The following DLEC1 variants were observed in gnomAD, a reference collection of about 807,000 sequenced individuals.
The protein encoded by DLEC1 is deleted in lung and esophageal cancer protein 1.
DLEC1 carries 146 observed loss-of-function variants against 198.1 expected under a neutral mutation model. The ratio of observed to expected loss-of-function variants is 0.74; its 90% confidence interval spans 0.64 to 0.85. The LOEUF is 0.85. DLEC1 is among the 40% of genes least tolerant of loss of function. The probability of loss-of-function intolerance (pLI) is 0.00; values close to 1 mark genes in which losing one functional copy is unlikely to be tolerated. For synonymous variants in DLEC1, 897 were observed against 866.8 expected, an observed-to-expected ratio of 1.03 and a Z score of -0.61; for missense variants, 2,233 against 2,220.0, an observed-to-expected ratio of 1.01 and a Z score of -0.12.
intron 19 of DLEC1, among the ~76,000 whole-genome samples, chr3:38,107,189 C>A (rs1002804817): frequency 6.6e-6 from 1 of 151,976 alleles, no homozygotes; most frequent in Non-Finnish European, 1.5e-5. Flanking sequence ...AAAAAAAATT[C>A]TCTCTTGTTT....
At chr3:38,053,226 G>A (rs1255032987) in intron 2 of DLEC1, among the ~76,000 whole-genome samples, 4 of 152,212 alleles carry the variant, frequency 2.6e-5, no homozygotes, top group Non-Finnish European at 4.4e-5. Context: ...TCTGGGAAGT[G>A]AGGAGCGTCT....
chr3:38,084,555 G>A (rs1698317312), intron 7 of DLEC1, among the ~76,000 whole-genome samples: 2 of 148,456 alleles, frequency 1.3e-5, no homozygotes, highest in Non-Finnish European at 3.0e-5. Context: ...AGTAGTGGTA[G>A]TAGTAGTGGT....
At chr3:38,110,680 G>A (rs1259305753) in intron 23 of DLEC1, among the ~76,000 whole-genome samples, 1 of 152,172 alleles carries the variant, frequency 6.6e-6, no homozygotes, top group Non-Finnish European at 1.5e-5. Flanking sequence ...GACATGTGGA[G>A]AGTGAGATGG....
chr3:38,081,133 C>G (rs1575162183), intron 6 of DLEC1, among the ~76,000 whole-genome samples: 2 of 139,630 alleles, frequency 1.4e-5, no homozygotes, highest in African/African-American at 5.5e-5. Context: ...GGGTTGGGGG[C>G]AAGGTCACAG....
Position 38,095,925 on chromosome 3 carries a change from AG to A in DLEC1, c.2152del (p.Glu718LysfsTer6). On this transcript the variant is annotated frameshift_variant, in exon 14 of 37. Transcript: ENST00000308059. LOFTEE classifies it high-confidence loss of function. ...CACAGTGTGCTCCAGATGGTGCTAG[AG>A]GAAGTCCCAGAGCCTGTAAGGTGAG... Reference protein sequence around the residue: ...DFHSVLQMVLEEVPEPVSSEA... With the variant: ...DFHSVLQMVLXEVPEPVSSEA... The A allele has an allele frequency of 6.2e-7, 1 of 1,613,802 alleles. No homozygotes were observed. The highest frequency in any genetic ancestry group is 8.5e-7 in the Non-Finnish European group (1 of 1,180,004).
intron 33 of DLEC1, among the ~76,000 whole-genome samples, chr3:38,119,264 A>G (rs916409075): frequency 3.3e-5 from 5 of 152,026 alleles, no homozygotes; most frequent in Admixed American, 2.0e-4. Flanking sequence ...GCCAAACTCA[A>G]TCTGTCCAAA....
Position 38,123,110 on chromosome 3 carries a change from C to T in DLEC1, c.*698C>T. 6.2e-7 allele frequency: 1 copy of T among 1,614,170 alleles called. No individual in the cohort carries two copies. The highest frequency in any genetic ancestry group is 8.5e-7 in the Non-Finnish European group (1 of 1,180,030). ...TTCCAGTCCCGATGCACATGGACAC[C>T]ACTCCGTATGCCCTGTGAAAACAAA... On this transcript the variant is annotated 3_prime_UTR_variant, in exon 37 of 37. Coordinates refer to ENST00000308059, the MANE Select transcript of DLEC1 (RefSeq NM_007335.4).
At chr3:38,074,249 AG>A (rs1271116589) in intron 6 of DLEC1, among the ~76,000 whole-genome samples, 2 of 152,238 alleles carry the variant, frequency 1.3e-5, no homozygotes, top group Non-Finnish European at 2.9e-5. Context: ...ATTGTAACTC[AG>A]AAATGCGTTG....
intron 33 of DLEC1, 118 bp downstream of exon 33, chr3:38,118,142 C>A: frequency 9.0e-7 from 1 of 1,112,130 alleles, no homozygotes; most frequent in Non-Finnish European, 1.3e-6. Flanking sequence ...ATGCCTGACC[C>A]TGCCATACCC....
At chr3:38,119,282 C>T (rs1161715322) in intron 33 of DLEC1, among the ~76,000 whole-genome samples, 1 of 152,128 alleles carries the variant, frequency 6.6e-6, no homozygotes, top group African/African-American at 2.4e-5. Flanking sequence ...AAAGTGAACT[C>T]CCCATCCCCT....
chr3:38,041,283 T>A (rs913539194), intron 1 of DLEC1, among the ~76,000 whole-genome samples: 2 of 152,092 alleles, frequency 1.3e-5, no homozygotes, highest in South Asian at 4.2e-4. Context: ...ATTACAGGCA[T>A]GAGCCACCAC....
chr3:38,102,876 G>A (rs887515038), intron 19 of DLEC1, among the ~76,000 whole-genome samples: 1 of 152,220 alleles, frequency 6.6e-6, no homozygotes, highest in Non-Finnish European at 1.5e-5. Context: ...ACAGTTGAGA[G>A]GTCCAGTGTT....
chr3:38,121,721 G>C lies in DLEC1; in HGVS notation c.4960G>C (p.Val1654Leu), dbSNP rs1180641516. ...GACCTGCTTTGTGAGCCAGCAGCGA[G>C]TCCGGGAGGTCTACCTGATGAACCT... Reference protein sequence around the residue: ...FGTCFVSQQRVREVYLMNLSG... With the variant: ...FGTCFVSQQRLREVYLMNLSG... Residue 1654 changes from valine to leucine, a missense_variant, in exon 35 of 37, where the codon GTC becomes CTC. Transcript: ENST00000308059. 2 of 1,613,978 alleles carry C rather than the reference G, an allele frequency of 1.2e-6. No individual in the cohort carries two copies. Among genetic ancestry groups the C allele is most frequent in the African/African-American group, 1.3e-5 (1 of 74,912 alleles).
At chr3:38,077,363 C>G (rs1279809737) in intron 6 of DLEC1, among the ~76,000 whole-genome samples, 10 of 152,078 alleles carry the variant, frequency 6.6e-5, no homozygotes, top group African/African-American at 2.2e-4. Flanking sequence ...AGACTGGGAC[C>G]TAATAAAAAG....
rs776189181 is a variant in DLEC1 at position 38,122,445 on chromosome 3, G to A, written c.*33G>A. On this transcript the variant is annotated 3_prime_UTR_variant, in exon 37 of 37. Coordinates refer to ENST00000308059, the MANE Select transcript of DLEC1 (RefSeq NM_007335.4). ...CCCCAGCCCTCAGCCCCAGGCCCCA[G>A]CTGGAGAAAAAACATTGCCCAGGGA... 2.5e-6 allele frequency: 4 copies of A among 1,614,098 alleles called. No individual in the cohort carries two copies. Among genetic ancestry groups the A allele is most frequent in the Non-Finnish European group, 2.5e-6 (3 of 1,180,024 alleles).
In DLEC1 at chr3:38,122,780, T is replaced by C. The variant is rs1473883146; in HGVS notation, c.*368T>C. The C allele has an allele frequency of 1.6e-5, 19 of 1,156,256 alleles. No homozygotes were observed. The highest frequency in any genetic ancestry group is 2.2e-5 in the Non-Finnish European group (19 of 852,996). The allele number at this position is 1,156,256 out of a possible 1,614,324, so 71.6% of individuals were successfully genotyped here. On this transcript the variant is annotated 3_prime_UTR_variant, in exon 37 of 37. Coordinates refer to ENST00000308059, the MANE Select transcript of DLEC1 (RefSeq NM_007335.4). ...CCATGGATTTGCCTTGCCTTAAGAA[T>C]TAACCATGGCCTTGTGGCCTGGGTG... is the stretch of plus-strand genomic sequence containing the variant.
intron 2 of DLEC1, among the ~76,000 whole-genome samples, chr3:38,047,315 C>A (rs556491653): frequency 6.6e-6 from 1 of 152,254 alleles, no homozygotes; most frequent in African/African-American, 2.4e-5. Flanking sequence ...GGTATATCCA[C>A]ACTATGGAAT....
chr3:38,114,922 T>C, intron 26 of DLEC1, 61 bp from the exon 27 acceptor site: 1 of 1,507,784 alleles, frequency 6.6e-7, no homozygotes, highest in South Asian at 1.2e-5. Flanking sequence ...CCAGCCCTCC[T>C]CCCTACCTGC....
At chr3:38,096,257 C>T (rs1328045281) in intron 14 of DLEC1, among the ~76,000 whole-genome samples, 2 of 152,134 alleles carry the variant, frequency 1.3e-5, no homozygotes, top group African/African-American at 4.8e-5. Flanking sequence ...AAGCTTTGCC[C>T]CCATGGTGTA....
Sources: gnomAD v4.1 joint callset for allele counts (sites outside exome capture counted in the v4.1 genomes callset) on GRCh38, gnomAD v4.1.1 for gene constraint, MANE v1.5 for transcripts, NCBI Gene and HGNC (gene_info 2026-07-23, HGNC 2026-07-21) for gene names.